The following FMN1 variants were observed in gnomAD, a reference collection of about 807,000 sequenced individuals.
The protein encoded by FMN1 is formin-1.
Under a neutral mutation model 132.4 loss-of-function variants are expected in FMN1, and 110 were observed. The observed-to-expected ratio is 0.83, with a 90% CI of 0.71 to 0.97. The LOEUF is 0.97. Ranked by LOEUF, FMN1 falls within the 50% of genes least tolerant of loss-of-function variation. The probability of loss-of-function intolerance (pLI) is 0.00; values close to 1 mark genes in which losing one functional copy is unlikely to be tolerated. For missense variants in FMN1, 1,792 were observed against 1,705.3 expected (o/e 1.05, Z -0.90); for synonymous variants, 722 against 651.7 (o/e 1.11, Z -1.64).
At chr15:32,997,022 C>G (rs2033812176) in intron 7 of FMN1, among the ~76,000 whole-genome samples, 1 of 152,180 alleles carries the variant, frequency 6.6e-6, no homozygotes, top group African/African-American at 2.4e-5. Context: ...AGAAGTCTAG[C>G]CACAGTATTT....
chr15:32,896,093 T>C (rs2060147931), intron 15 of FMN1, among the ~76,000 whole-genome samples: 1 of 152,118 alleles, frequency 6.6e-6, no homozygotes, highest in Admixed American at 6.5e-5. Flanking sequence ...TAGGAGATAA[T>C]TCAATTTCTT....
intron 6 of FMN1, among the ~76,000 whole-genome samples, chr15:33,014,641 G>C (rs1333999945): frequency 6.6e-6 from 1 of 151,632 alleles, no homozygotes; most frequent in African/African-American, 2.4e-5. Context: ...ACATTTTGGA[G>C]GAAAAAAAAA....
chr15:33,170,100 A>G (rs1463946445), intron 3 of FMN1, among the ~76,000 whole-genome samples: 4 of 152,208 alleles, frequency 2.6e-5, no homozygotes, highest in African/African-American at 4.8e-5. Context: ...TGGAGAACCC[A>G]GAAATAAATT....
At position 32,798,967 on chromosome 15, in the gene FMN1, G is replaced by T; in HGVS notation, c.3981-14C>A. The T allele has an allele frequency of 6.2e-7, 1 of 1,611,788 alleles. No individual in the cohort carries two copies. The highest frequency in any genetic ancestry group is 1.7e-5 in the Admixed American group (1 of 59,740). Reference sequence around the variant, plus strand: ...GTTGTTTCAAAACTGCAACAGGTAGGGGGGAAAATGGAATGAGGTAGAGGT... The same window carrying T: ...GTTGTTTCAAAACTGCAACAGGTAGTGGGGAAAATGGAATGAGGTAGAGGT... On this transcript the variant is annotated splice_polypyrimidine_tract_variant and intron_variant, in intron 18 of 20. Transcript: ENST00000616417.
rs114943683 is a variant in FMN1, at chr15:33,153,782, G to T, written c.1133C>A (p.Ala378Asp). The T allele has an allele frequency of 6.5e-7, 1 of 1,536,190 alleles. No individual in the cohort carries two copies. Among genetic ancestry groups the T allele is most frequent in the Non-Finnish European group, 8.7e-7 (1 of 1,146,954 alleles). The stretch of plus-strand genomic sequence containing the variant: ...CTGCCGCCTGGAGCCATGAGCCCCA[G>T]CCTCAGCTCCCGGGAGGGTGAGCAA... ...ADLLTLPGAE[A>D]GAHGSRRQGK... Residue 378 changes from alanine to aspartate, a missense_variant, in exon 4 of 21, where the codon GCT becomes GAT. Around this residue, in one of 3 missense-constraint regions of FMN1, gnomAD observed 638 missense variants for 645.2 expected, o/e 0.99. Transcript: ENST00000616417.
chr15:33,103,116 T>C (rs1007736821), intron 4 of FMN1, among the ~76,000 whole-genome samples: 1 of 152,144 alleles, frequency 6.6e-6, no homozygotes, highest in African/African-American at 2.4e-5. Context: ...AATACAATAA[T>C]TGTTGAATAT....
At chr15:33,139,233 A>G (rs2140246304) in intron 4 of FMN1, among the ~76,000 whole-genome samples, 1 of 152,338 alleles carries the variant, frequency 6.6e-6, no homozygotes, top group East Asian at 1.9e-4. Context: ...AAAATCTATT[A>G]TAAAGTTTAT....
chr15:32,803,798 C>A (rs1298133075), intron 18 of FMN1, among the ~76,000 whole-genome samples: 1 of 152,142 alleles, frequency 6.6e-6, no homozygotes, highest in Non-Finnish European at 1.5e-5. Flanking sequence ...CAATGCAGGA[C>A]AGGCAAACAG....
At chr15:33,051,009 A>C (rs1237488446) in intron 6 of FMN1, among the ~76,000 whole-genome samples, 1 of 152,212 alleles carries the variant, frequency 6.6e-6, no homozygotes, top group Non-Finnish European at 1.5e-5. Flanking sequence ...GTGATGTGCC[A>C]CTCAGTGTAT....
chr15:33,071,365 T>C (rs1330155804), intron 5 of FMN1, among the ~76,000 whole-genome samples: 1 of 152,200 alleles, frequency 6.6e-6, no homozygotes, highest in Non-Finnish European at 1.5e-5. Context: ...ATCAAGGTTT[T>C]CCAGTTTGCC....
chr15:33,108,487 A>C (rs1229602969), intron 4 of FMN1, among the ~76,000 whole-genome samples: 7 of 152,104 alleles, frequency 4.6e-5, no homozygotes, highest in African/African-American at 1.4e-4. Context: ...AAGTTATTAG[A>C]TTGCAAGGTA....
chr15:32,982,280 G>C (rs149788949), intron 7 of FMN1, among the ~76,000 whole-genome samples: 155 of 152,290 alleles, frequency 1.0e-3, no homozygotes, highest in African/African-American at 3.6e-3. Flanking sequence ...ATGCTAGTGA[G>C]AATGTGGAAC....
At chr15:33,053,386 T>C (rs2037068820) in intron 6 of FMN1, among the ~76,000 whole-genome samples, 1 of 152,238 alleles carries the variant, frequency 6.6e-6, no homozygotes, top group African/African-American at 2.4e-5. Context: ...TGCTCCTATG[T>C]TGGCACTTGG....
At chr15:33,128,408 TCAA>T (rs1375183569) in intron 4 of FMN1, among the ~76,000 whole-genome samples, 1 of 152,200 alleles carries the variant, frequency 6.6e-6, no homozygotes, top group Admixed American at 6.5e-5. Context: ...CATTTGTTCA[TCAA>T]CAAAATCATT....
chr15:33,019,612 G>A (rs192857870), intron 6 of FMN1, among the ~76,000 whole-genome samples: 5 of 152,170 alleles, frequency 3.3e-5, no homozygotes, highest in Admixed American at 6.5e-5. Context: ...TGGAGGTCCC[G>A]AGCCCTGCCC....
chr15:32,872,938 G>GA (rs5811714), intron 16 of FMN1, among the ~76,000 whole-genome samples: 39,806 of 148,712 alleles, frequency 0.27, 5,325 homozygotes, highest in African/African-American at 0.3. Flanking sequence ...AGAAGAGAGG[G>GA]AAAAAAAAAA....
intron 9 of FMN1, among the ~76,000 whole-genome samples, chr15:32,955,907 A>G (rs913523330): frequency 2.0e-5 from 3 of 152,192 alleles, no homozygotes; most frequent in African/African-American, 7.2e-5. Context: ...AATATTCCAT[A>G]TATTTTTATA....
chr15:32,779,690 T>C (rs1328990091), intron 19 of FMN1, among the ~76,000 whole-genome samples: 1 of 152,182 alleles, frequency 6.6e-6, no homozygotes, highest in Non-Finnish European at 1.5e-5. Context: ...CTAACATTTA[T>C]TGGGTACTTA....
chr15:32,829,308 C>T (rs939115057), intron 17 of FMN1, among the ~76,000 whole-genome samples: 11 of 152,190 alleles, frequency 7.2e-5, no homozygotes, highest in African/African-American at 2.2e-4. Context: ...TGCGCTCCGG[C>T]GAAAGTTCTG....
Sources: gnomAD v4.1 joint callset for allele counts (sites outside exome capture counted in the v4.1 genomes callset) on GRCh38, gnomAD v4.1.1 for gene constraint, gnomAD v4.1.1 regional missense constraint, MANE v1.5 for transcripts, NCBI Gene and HGNC (gene_info 2026-07-23, HGNC 2026-07-21) for gene names.